The following AASS variants were observed in gnomAD, a reference collection of about 807,000 sequenced individuals.
The protein encoded by AASS is aminoadipate-semialdehyde synthase, also known as alpha-aminoadipic semialdehyde synthase, mitochondrial.
In AASS, 86 loss-of-function variants were observed where a neutral mutation model predicts 105.4. The observed-to-expected ratio is 0.82, with a 90% CI of 0.69 to 0.98. AASS has a LOEUF of 0.98. Ranked by LOEUF, AASS falls within the 50% of genes least tolerant of loss-of-function variation. The pLI, the probability that AASS is intolerant of heterozygous loss-of-function variation, is 0.00. For missense variants in AASS, 1,048 were observed against 1,143.2 expected (o/e 0.92, Z 1.20); for synonymous variants, 381 against 394.8 (o/e 0.96, Z 0.41).
rs797001145 is a variant in AASS, at chr7:122,113,489, C to A, written c.1166+109G>T. 14 of 1,405,996 alleles carry A rather than the reference C, an allele frequency of 1.0e-5. No homozygotes were observed. The African/African-American group carries it at 2.0e-4, about 20-fold the overall frequency. 87.1% of individuals were successfully genotyped at this position (1,405,996 alleles called of 1,614,324 possible). A position where few individuals can be genotyped will look rare whatever the true frequency, so the allele number is the denominator to read the frequency against. ...CAAATTTTAGTATGTTTGAGTATAT[C>A]TCTCCAAATTTTCATAACTTCATAA... On this transcript the variant is annotated intron_variant, in intron 10 of 23. Transcript: ENST00000417368.
At chr7:122,078,559 C>T (rs950141761) in intron 22 of AASS, among the ~76,000 whole-genome samples, 2 of 152,024 alleles carry the variant, frequency 1.3e-5, no homozygotes, top group Non-Finnish European at 1.5e-5. Flanking sequence ...TACAGTGAGC[C>T]GAGATGGAGC....
Position 122,076,215 on chromosome 7 carries a change from G to T in AASS, c.*274C>A. On this transcript the variant is annotated 3_prime_UTR_variant, in exon 24 of 24. Coordinates refer to ENST00000417368, the MANE Select transcript of AASS (RefSeq NM_005763.4). ...AAAAAAAAAACAAAAGAAAAAAAGT[G>T]GCACAATAAATTAACAAATAGCATG... 2.8e-6 allele frequency: 1 copy of T among 354,944 alleles called. No homozygotes were observed. The highest frequency in any genetic ancestry group is 5.1e-6 in the Non-Finnish European group (1 of 194,224). 22.0% of individuals were successfully genotyped at this position (354,944 alleles called of 1,614,324 possible).
chr7:122,114,990 A>G, intron 9 of AASS, 84 bp downstream of exon 9: 1 of 1,583,652 alleles, frequency 6.3e-7, no homozygotes, highest in Non-Finnish European at 8.7e-7. Context: ...TTAGAAATCA[A>G]GTCCTCTGAT....
chr7:122,113,777 ACT>A, intron 9 of AASS, 57 bp from the exon 10 acceptor site: 2 of 1,595,146 alleles, frequency 1.3e-6, no homozygotes, highest in Non-Finnish European at 1.7e-6. Context: ...CTCCAACAAG[ACT>A]AAAAAAAAAG....
Position 122,113,539 on chromosome 7 carries a change from G to GAGT in AASS, c.1166+56_1166+58dup, listed in dbSNP as rs879229589. ...AAGATGTAAAATACTGAGAATTTTA[G>GAGT]AGTAGTATATCAATGTAACTAAGTG... On this transcript the variant is annotated intron_variant, in intron 10 of 23. Coordinates refer to ENST00000417368, the MANE Select transcript of AASS (RefSeq NM_005763.4). The GAGT allele has an allele frequency of 5.7e-6, 9 of 1,590,420 alleles. No individual in the cohort carries two copies. In the South Asian group the frequency reaches 9.9e-5, roughly 18 times the overall value.
chr7:122,118,481 T>C lies in AASS; in HGVS notation c.541-28A>G, dbSNP rs1025962446. The C allele has an allele frequency of 3.1e-6, 5 of 1,614,018 alleles. No individual in the cohort carries two copies. In the African/African-American group the frequency reaches 5.3e-5, roughly 17 times the overall value. On this transcript the variant is annotated intron_variant, in intron 5 of 23. Transcript: ENST00000417368. ...GAAAACAAACATACACAACTCAAGT[T>C]AGTCCACCAGCTCAGCATTTTTTTT...
At chr7:122,079,194 C>CTT in intron 21 of AASS, 2 of 1,406,650 alleles carry the variant, frequency 1.4e-6, no homozygotes, top group Non-Finnish European at 1.8e-6. Context: ...GGATTGTAAT[C>CTT]CCATGTTCTT....
At chr7:122,078,457 C>G (rs1169595241) in intron 22 of AASS, among the ~76,000 whole-genome samples, 1 of 151,882 alleles carries the variant, frequency 6.6e-6, no homozygotes, top group Non-Finnish European at 1.5e-5. Context: ...ACTAAAAATA[C>G]AAAAATTAGC....
rs1318354852 is a variant in AASS, at chr7:122,116,971, A to G, written c.688-14T>C. The G allele has an allele frequency of 3.1e-6, 5 of 1,608,982 alleles. No individual in the cohort carries two copies. The highest frequency in any genetic ancestry group is 1.1e-5 in the South Asian group (1 of 91,006). On this transcript the variant is annotated splice_polypyrimidine_tract_variant and intron_variant, in intron 6 of 23. Transcript: ENST00000417368. ...TGCTTGGGCTCCCTACAAATAACAC[A>G]TGAGTAAAAATCCAAAAATCAATAG...
At chr7:122,080,579 G>C (rs958286780) in intron 20 of AASS, among the ~76,000 whole-genome samples, 119 of 152,236 alleles carry the variant, frequency 7.8e-4, no homozygotes, top group African/African-American at 2.5e-3. Flanking sequence ...AGATTGGAAA[G>C]GTTCACAAAT....
intron 21 of AASS, chr7:122,079,210 G>A: frequency 1.4e-6 from 2 of 1,388,340 alleles, no homozygotes; most frequent in Non-Finnish European, 1.9e-6. Context: ...TTCTTACAAA[G>A]ATCTTTATGA....
intron 19 of AASS, chr7:122,082,772 A>C: frequency 1.6e-6 from 2 of 1,249,630 alleles, no homozygotes; most frequent in South Asian, 1.2e-5. Flanking sequence ...GGGAGCACAA[A>C]AGAAGGGGAA....
chr7:122,112,220 A>G (rs1199989876), intron 11 of AASS, among the ~76,000 whole-genome samples: 1 of 152,210 alleles, frequency 6.6e-6, no homozygotes. Context: ...TACGGTTTTC[A>G]TGAGTACTTA....
intron 17 of AASS, among the ~76,000 whole-genome samples, chr7:122,092,255 T>C (rs1349384654): frequency 6.6e-6 from 1 of 152,070 alleles, no homozygotes. Context: ...CCAAAGGTAC[T>C]ATTTCATAAA....
chr7:122,124,825 G>T (rs1229903739), intron 4 of AASS, among the ~76,000 whole-genome samples: 1 of 152,178 alleles, frequency 6.6e-6, no homozygotes, highest in Non-Finnish European at 1.5e-5. Context: ...CTCTATTACT[G>T]CTTTTATACT....
chr7:122,085,536 T>A (rs1443761349), intron 19 of AASS, among the ~76,000 whole-genome samples: 2 of 152,090 alleles, frequency 1.3e-5, no homozygotes, highest in African/African-American at 4.8e-5. Flanking sequence ...CTAGGACATA[T>A]AACATAGGCC....
chr7:122,121,746 C>T (rs1266349364), intron 4 of AASS, among the ~76,000 whole-genome samples: 1 of 152,086 alleles, frequency 6.6e-6, no homozygotes, highest in African/African-American at 2.4e-5. Context: ...TTGTAGTGTT[C>T]TTTATTCCTT....
chr7:122,094,716 C>T (rs539842847), intron 15 of AASS, among the ~76,000 whole-genome samples: 1 of 152,034 alleles, frequency 6.6e-6, no homozygotes, highest in African/African-American at 2.4e-5. Context: ...GTTGAAAACC[C>T]AATCAAAGTT....
In AASS at chr7:122,118,733, A is replaced by T. The variant is rs1795309576; in HGVS notation, c.473-103T>A. The T allele has an allele frequency of 4.4e-6, 5 of 1,140,436 alleles. No homozygotes were observed. In the South Asian group the frequency reaches 6.6e-5, roughly 15 times the overall value. 70.6% of individuals were successfully genotyped at this position (1,140,436 alleles called of 1,614,324 possible). On this transcript the variant is annotated intron_variant, in intron 4 of 23. Coordinates refer to ENST00000417368, the MANE Select transcript of AASS (RefSeq NM_005763.4). ...TGCATGGTGCCCTGCAGAAGCACAG[A>T]TCATGCATCTCAGATTTAGAAGAGG...
Sources: allele counts gnomAD v4.1 joint callset (sites outside exome capture counted in the v4.1 genomes callset), GRCh38; gene constraint gnomAD v4.1.1; transcripts MANE v1.5; gene names NCBI Gene and HGNC (gene_info 2026-07-23, HGNC 2026-07-21).